Variants in DCLK2 observed in about 807,000 individuals in gnomAD.
DCLK2 encodes the protein doublecortin like kinase 2, also known as serine/threonine-protein kinase DCLK2.
DCLK2 carries 31 observed loss-of-function variants against 78.4 expected under a neutral mutation model. The observed-to-expected ratio is 0.40, with a 90% CI of 0.30 to 0.53. DCLK2 has a LOEUF of 0.53. DCLK2 is among the 20% of genes least tolerant of loss of function. The pLI is 0.61. For missense variants in DCLK2, 872 were observed against 973.7 expected (o/e 0.90, Z 1.39); for synonymous variants, 407 against 374.9 (o/e 1.09, Z -0.99).
intron 1 of DCLK2, among the ~76,000 whole-genome samples, chr4:150,079,653 C>T (rs1729099353): frequency 1.3e-5 from 2 of 152,232 alleles, no homozygotes; most frequent in African/African-American, 4.8e-5. Context: ...AGAGGTTTGT[C>T]TCTTAAAGAA....
intron 2 of DCLK2, among the ~76,000 whole-genome samples, chr4:150,117,685 C>T (rs1375023097): frequency 6.6e-6 from 1 of 152,160 alleles, no homozygotes; most frequent in Non-Finnish European, 1.5e-5. Flanking sequence ...GATGCCACTG[C>T]TTCTCATATA....
intron 7 of DCLK2, among the ~76,000 whole-genome samples, chr4:150,224,204 C>G (rs528947018): frequency 4.6e-4 from 70 of 151,808 alleles, no homozygotes; most frequent in African/African-American, 1.3e-3. Flanking sequence ...TCCCCTGACT[C>G]CACTAGATAT....
chr4:150,083,459 G>A (rs776024279), intron 1 of DCLK2, among the ~76,000 whole-genome samples: 7 of 152,176 alleles, frequency 4.6e-5, no homozygotes, highest in Non-Finnish European at 1.0e-4. Flanking sequence ...AGCCCATGAA[G>A]TTTGAGGTCC....
chr4:150,189,706 A>G (rs931572995), intron 2 of DCLK2, among the ~76,000 whole-genome samples: 1 of 152,054 alleles, frequency 6.6e-6, no homozygotes. Flanking sequence ...GCAGTGGATA[A>G]TGTAGCCGTT....
At chr4:150,140,384 C>G (rs1358224768) in intron 2 of DCLK2, among the ~76,000 whole-genome samples, 2 of 152,174 alleles carry the variant, frequency 1.3e-5, no homozygotes, top group Non-Finnish European at 2.9e-5. Context: ...GGAGGCTCCT[C>G]CTGCGACCCC....
At chr4:150,208,796 C>T (rs557373991) in intron 5 of DCLK2, among the ~76,000 whole-genome samples, 1 of 152,252 alleles carries the variant, frequency 6.6e-6, no homozygotes, top group South Asian at 2.1e-4. Context: ...TTATTTCCAC[C>T]TAACCCCATA....
chr4:150,197,187 A>G (rs970402177), intron 3 of DCLK2, among the ~76,000 whole-genome samples: 6 of 151,312 alleles, frequency 4.0e-5, no homozygotes, highest in South Asian at 2.1e-4. Context: ...AGAAAAAGCT[A>G]TTTTCCTCAT....
intron 3 of DCLK2, among the ~76,000 whole-genome samples, chr4:150,196,208 A>G (rs1739019394): frequency 6.6e-6 from 1 of 152,210 alleles, no homozygotes; most frequent in South Asian, 2.1e-4. Context: ...AAGTAACTAC[A>G]TCCTCGATTA....
In DCLK2 at chr4:150,232,445, G is replaced by A; in HGVS notation, c.1408G>A (p.Glu470Lys). Residue 470 changes from glutamate (E) to lysine (K), a missense_variant, in exon 9 of 16, where the codon GAA (glutamate) becomes AAA (lysine). Transcript: ENST00000296550. ...AGCAACTGAGCTCTTTCTGGTGATG[G>A]AATTGGTCAAAGTAAGAGGATAGAG... Reference protein sequence around the residue: ...ETATELFLVMELVKGGDLFDA... With the variant: ...ETATELFLVMKLVKGGDLFDA... The A allele has an allele frequency of 6.2e-7, 1 of 1,613,906 alleles. No individual in the cohort carries two copies. Among genetic ancestry groups the A allele is most frequent in the Non-Finnish European group, 8.5e-7 (1 of 1,179,976 alleles).
intron 4 of DCLK2, among the ~76,000 whole-genome samples, chr4:150,198,726 TAA>T (rs1739241613): frequency 6.6e-6 from 1 of 152,178 alleles, no homozygotes; most frequent in African/African-American, 2.4e-5. Flanking sequence ...TTGTTTATAG[TAA>T]TTAAGAATAA....
In DCLK2 at chr4:150,254,090, G is replaced by T. The variant is rs115260311; in HGVS notation, c.2074-1930G>T. Among the ~76,000 whole-genome samples the T allele has an allele frequency of 5.0e-3, 759 of 152,344 alleles. 7 individuals are homozygous for T. The highest frequency in any genetic ancestry group is 0.018 in the African/African-American group (728 of 41,588). ...AAAGGACAGAGCAGGGTGCATGCAG[G>T]ACGGCCTCCCATGTACCCCGGGGGG... On this transcript the variant is annotated intron_variant, in intron 15 of 15. Transcript: ENST00000296550.
intron 13 of DCLK2, 145 bp from the exon 14 acceptor site, chr4:150,248,160 G>A (rs144333937): frequency 1.5e-6 from 1 of 655,058 alleles, no homozygotes; most frequent in African/African-American, 1.8e-5. Context: ...TAGGAGAGTA[G>A]GTATAATCAC....
At chr4:150,234,752 TAA>T (rs77788835) in intron 10 of DCLK2, among the ~76,000 whole-genome samples, 73 of 140,872 alleles carry the variant, frequency 5.2e-4, no homozygotes, top group Admixed American at 7.9e-4. Flanking sequence ...TGCTCTGTGT[TAA>T]AAAAAAAAAA....
intron 12 of DCLK2, among the ~76,000 whole-genome samples, 164 bp from the exon 13 acceptor site, chr4:150,247,439 G>A (rs72951578): frequency 0.021 from 3,248 of 152,284 alleles, 101 homozygotes; most frequent in African/African-American, 0.069. Flanking sequence ...TCTAAAAGGA[G>A]AAGTTCTGTC....
intron 2 of DCLK2, among the ~76,000 whole-genome samples, chr4:150,126,752 C>T (rs1580551565): frequency 6.6e-6 from 1 of 152,168 alleles, no homozygotes; most frequent in African/African-American, 2.4e-5. Context: ...TTATTTAAAA[C>T]AGGAAATCAA....
At chr4:150,161,879 G>A (rs1331347358) in intron 2 of DCLK2, among the ~76,000 whole-genome samples, 1 of 152,132 alleles carries the variant, frequency 6.6e-6, no homozygotes, top group Non-Finnish European at 1.5e-5. Context: ...TTATAGAGGG[G>A]TGTTGCTTCA....
At chr4:150,107,574 C>G (rs965427649) in intron 2 of DCLK2, among the ~76,000 whole-genome samples, 1 of 151,738 alleles carries the variant, frequency 6.6e-6, no homozygotes, top group African/African-American at 2.4e-5. Flanking sequence ...TTGGGTTTCC[C>G]TGTGTTTCCC....
chr4:150,243,817 T>G (rs961608342), intron 12 of DCLK2, among the ~76,000 whole-genome samples: 2 of 146,554 alleles, frequency 1.4e-5, no homozygotes, highest in Admixed American at 6.7e-5. Flanking sequence ...TCCTCCCACC[T>G]CAGCCTCCCA....
chr4:150,198,919 C>CG (rs968851677), intron 4 of DCLK2: 6 of 617,344 alleles, frequency 9.7e-6, no homozygotes, highest in Admixed American at 4.9e-5. Flanking sequence ...CACCCCCCCC[C>CG]CCACTTTCTG....
Sources: gnomAD v4.1 joint callset for allele counts (sites outside exome capture counted in the v4.1 genomes callset) on GRCh38, gnomAD v4.1.1 for gene constraint, MANE v1.5 for transcripts, NCBI Gene and HGNC (gene_info 2026-07-23, HGNC 2026-07-21) for gene names.